SLC16A12: variants seen among roughly 807,000 people sequenced by gnomAD.
The protein encoded by SLC16A12 is solute carrier family 16 member 12.
In SLC16A12, 17 loss-of-function variants were observed where a neutral mutation model predicts 42.4. The ratio of observed to expected loss-of-function variants is 0.40; its 90% CI spans 0.27 to 0.60. The LOEUF is 0.60. Among genes scored for constraint, SLC16A12 ranks in the 20% least tolerant of loss-of-function variants. The pLI, the probability that SLC16A12 is intolerant of heterozygous loss-of-function variation, is 0.42. For synonymous variants in SLC16A12, 224 were observed against 229.4 expected (o/e 0.98, Z 0.21); for missense variants, 544 against 623.0 (o/e 0.87, Z 1.35).
chr10:89,531,476 A>C (rs1397352166), intron 2 of SLC16A12, among the ~76,000 whole-genome samples: 1 of 152,198 alleles, frequency 6.6e-6, no homozygotes, highest in Non-Finnish European at 1.5e-5. Context: ...GTAAGCATGC[A>C]CCTGACCTAG....
chr10:89,438,323 T>C (rs1266974187), intron 6 of SLC16A12, among the ~76,000 whole-genome samples: 1 of 152,262 alleles, frequency 6.6e-6, no homozygotes, highest in African/African-American at 2.4e-5. Flanking sequence ...CCACTCTCTT[T>C]TGTTTACATA....
intron 2 of SLC16A12, among the ~76,000 whole-genome samples, chr10:89,487,964 G>GTGTGTATA (rs1248310697): frequency 7.9e-6 from 1 of 126,718 alleles, no homozygotes. Flanking sequence ...TGGTGTGTGT[G>GTGTGTATA]TATATATATA....
intron 6 of SLC16A12, among the ~76,000 whole-genome samples, chr10:89,437,783 G>T (rs752711556): frequency 1.3e-4 from 20 of 152,218 alleles, no homozygotes; most frequent in Non-Finnish European, 2.8e-4. Flanking sequence ...AAGTGTGAAT[G>T]GTTCATCATT....
Position 89,462,574 on chromosome 10 carries a change from G to A in SLC16A12, c.5C>T (p.Pro2Leu). The change falls in exon 3 of 8, where the codon CCA (proline) becomes CTA (leucine). Residue 2 changes from proline to leucine, a missense_variant. By Grantham distance (98) the Pro-to-Leu change is moderately conservative. Transcript: ENST00000371790. M[P>L]SGSHWTANSS... is the part of the protein sequence containing the mutation. ...GTTTGCTGTCCAGTGACTTCCTGATGGCATTCAAGGTTGGCATAGAACGCT... is the reference window on the plus strand; with the variant it reads ...GTTTGCTGTCCAGTGACTTCCTGATAGCATTCAAGGTTGGCATAGAACGCT... The A allele has an allele frequency of 6.2e-7, 1 of 1,604,808 alleles. No individual in the cohort carries two copies.
intron 7 of SLC16A12, 149 bp downstream of exon 7, chr10:89,435,911 A>C: frequency 9.0e-7 from 1 of 1,111,046 alleles, no homozygotes; most frequent in Non-Finnish European, 1.3e-6. Context: ...TGGGACCATG[A>C]TGGTTTTGGG....
At chr10:89,475,375 C>T (rs1400660351) in intron 2 of SLC16A12, among the ~76,000 whole-genome samples, 1 of 152,212 alleles carries the variant, frequency 6.6e-6, no homozygotes, top group Non-Finnish European at 1.5e-5. Context: ...AAACCCCTCT[C>T]TCTCTGCTTA....
chr10:89,552,766 G>A (rs1228147211), intron 2 of SLC16A12, among the ~76,000 whole-genome samples: 41 of 152,252 alleles, frequency 2.7e-4, no homozygotes, highest in Admixed American at 2.2e-3. Context: ...AGTGAGATGC[G>A]AACTAAGACT....
chr10:89,527,397 C>T (rs969808123), intron 2 of SLC16A12, among the ~76,000 whole-genome samples: 2 of 151,780 alleles, frequency 1.3e-5, no homozygotes, highest in Non-Finnish European at 2.9e-5. Flanking sequence ...GCAGGAGAAT[C>T]GCTTGAACCC....
intron 2 of SLC16A12, among the ~76,000 whole-genome samples, chr10:89,481,992 A>G (rs1842671694): frequency 6.6e-6 from 1 of 152,176 alleles, no homozygotes; most frequent in Non-Finnish European, 1.5e-5. Flanking sequence ...TAATATTTTC[A>G]GGATAAAAAT....
In SLC16A12 at chr10:89,436,154, G is replaced by A; in HGVS notation, c.1194C>T (p.Thr398=). 2 of 1,614,044 alleles carry A rather than the reference G, an allele frequency of 1.2e-6. No homozygotes were observed. Among genetic ancestry groups the A allele is most frequent in the Non-Finnish European group, 1.7e-6 (2 of 1,179,988 alleles). Residue 398 remains threonine, a synonymous_variant, in exon 7 of 8, where the codon ACC becomes ACT. Coordinates refer to ENST00000371790, the MANE Select transcript of SLC16A12 (RefSeq NM_213606.4). ...AAGAGGTGGTCCCCACTATCTCTGT[G>A]GTCACTACTGGGATCAAAGTCACAT... ...GAYVTLIPVV[T]TEIVGTTSLS... is the part of the protein sequence containing the mutation.
intron 2 of SLC16A12, among the ~76,000 whole-genome samples, chr10:89,532,702 G>A (rs905494351): frequency 6.6e-6 from 1 of 152,116 alleles, no homozygotes; most frequent in African/African-American, 2.4e-5. Flanking sequence ...AGTTCATTTC[G>A]ATAAGCCTTT....
Position 89,438,715 on chromosome 10 carries a change from G to A in SLC16A12, c.917C>T (p.Pro306Leu). Residue 306 changes from proline (P) to leucine (L), a missense_variant, in exon 6 of 8, where the codon CCT becomes CTT. Physicochemically the swap from Pro to Leu is moderately conservative, Grantham distance 98. Coordinates refer to ENST00000371790, the MANE Select transcript of SLC16A12 (RefSeq NM_213606.4). ...GCSPLFVYLV[P>L]YALSVGVSHQ... is the part of the protein sequence containing the mutation. Reference sequence around the variant, plus strand: ...ACTCACTCCAACACTCAAAGCATAAGGCACCAAGTACACAAAGAGAGGGCT... The same window carrying A: ...ACTCACTCCAACACTCAAAGCATAAAGCACCAAGTACACAAAGAGAGGGCT... 1 of 1,614,108 alleles carries A rather than the reference G, an allele frequency of 6.2e-7. No individual in the cohort carries two copies. Among genetic ancestry groups the A allele is most frequent in the Non-Finnish European group, 8.5e-7 (1 of 1,180,016 alleles).
At chr10:89,554,033 G>GAAGAAAGAAAGA (rs1295802200) in intron 2 of SLC16A12, among the ~76,000 whole-genome samples, 13 of 67,602 alleles carry the variant, frequency 1.9e-4, no homozygotes, top group Admixed American at 5.0e-4. Flanking sequence ...AGAGAGAAAG[G>GAAGAAAGAAAGA]AAGAAAGAAA....
rs533625234 is a variant in SLC16A12 at position 89,482,799 on chromosome 10, G to A, written c.-46-20175C>T. On this transcript the variant is annotated intron_variant, in intron 2 of 7. Coordinates refer to ENST00000371790, the MANE Select transcript of SLC16A12 (RefSeq NM_213606.4). ...ACCCTGTCTAAAAAAAAAAAAAAAT[G>A]TCTAATAGAATAGACCAAGAAAAAA... Among the ~76,000 whole-genome samples, 304 of 148,028 alleles carry A rather than the reference G, an allele frequency of 2.1e-3. 2 individuals carry two copies. The highest frequency in any genetic ancestry group is 0.014 in the Middle Eastern group (4 of 290).
In SLC16A12 at chr10:89,517,030, C is replaced by T. The variant is rs567327705; in HGVS notation, c.-47+17471G>A. Among the ~76,000 whole-genome samples, 4 of 152,086 alleles carry T rather than the reference C, an allele frequency of 2.6e-5. No individual in the cohort carries two copies. The East Asian group carries it at 7.8e-4, about 30-fold the overall frequency. ...TTGAGGCCAGGAGTTTGAGATTAGC[C>T]TGGGCAACGCAACAAGACTCCCATC... On this transcript the variant is annotated intron_variant, in intron 2 of 7. Transcript: ENST00000371790.
At chr10:89,479,397 C>T (rs1010838373) in intron 2 of SLC16A12, among the ~76,000 whole-genome samples, 3 of 152,116 alleles carry the variant, frequency 2.0e-5, no homozygotes, top group African/African-American at 4.8e-5. Context: ...GGAAGATGCC[C>T]TTGCAAGGAG....
Position 89,440,608 on chromosome 10 carries a change from G to A in SLC16A12, c.448+500C>T, listed in dbSNP as rs572691088. 2.0e-5 allele frequency among the ~76,000 whole-genome samples: 3 copies of A among 152,254 alleles called. No homozygotes were observed. The South Asian group carries it at 6.2e-4, about 32-fold the overall frequency. ...TGCTTTTTTCCATGGCATTTATTAT[G>A]ATTTGCTAAAGTGATACTTCCACAG... On this transcript the variant is annotated intron_variant, in intron 5 of 7. Transcript: ENST00000371790.
chr10:89,488,566 A>G (rs1842799008), intron 2 of SLC16A12, among the ~76,000 whole-genome samples: 1 of 152,194 alleles, frequency 6.6e-6, no homozygotes, highest in Non-Finnish European at 1.5e-5. Context: ...AGTGAACCTC[A>G]AATAAGTTAG....
chr10:89,527,387 G>A (rs1339898734), intron 2 of SLC16A12, among the ~76,000 whole-genome samples: 1 of 151,990 alleles, frequency 6.6e-6, no homozygotes, highest in African/African-American at 2.4e-5. Flanking sequence ...GGAGGCTGAG[G>A]CAGGAGAATC....
Sources: allele counts gnomAD v4.1 joint callset (sites outside exome capture counted in the v4.1 genomes callset), GRCh38; gene constraint gnomAD v4.1.1; transcripts MANE v1.5; gene names NCBI Gene and HGNC (gene_info 2026-07-23, HGNC 2026-07-21).